Variants in CEP85L observed in about 807,000 individuals in gnomAD.
CEP85L encodes the protein centrosomal protein of 85 kDa-like.
In CEP85L, 60 loss-of-function variants were observed where a neutral mutation model predicts 100.3. The observed-to-expected ratio is 0.60, with a 90% CI of 0.49 to 0.74. The LOEUF (loss-of-function observed/expected upper bound fraction) is 0.74. Ranked by LOEUF, CEP85L falls within the 30% of genes least tolerant of loss-of-function variation. The pLI, the probability that CEP85L is intolerant of heterozygous loss-of-function variation, is 0.00. For missense variants in CEP85L, 973 were observed against 936.2 expected, an observed-to-expected ratio of 1.04 and a Z score of -0.51; for synonymous variants, 319 against 322.7, an observed-to-expected ratio of 0.99 and a Z score of 0.12.
intron 1 of CEP85L, among the ~76,000 whole-genome samples, chr6:118,702,824 G>A (rs1480186828): frequency 6.6e-6 from 1 of 151,936 alleles, no homozygotes; most frequent in Non-Finnish European, 1.5e-5. Flanking sequence ...GTGAAACCCC[G>A]TCACTACTAA....
chr6:118,599,199 TGG>T (rs1781600408), intron 2 of CEP85L, among the ~76,000 whole-genome samples: 1 of 152,034 alleles, frequency 6.6e-6, no homozygotes, highest in East Asian at 1.9e-4. Context: ...CAGAGCTCAT[TGG>T]TGAAATGATT....
At chr6:118,553,534 C>T (rs139156134) in intron 3 of CEP85L, among the ~76,000 whole-genome samples, 7 of 152,030 alleles carry the variant, frequency 4.6e-5, no homozygotes, top group Admixed American at 6.6e-5. Flanking sequence ...AACATTTTAG[C>T]GTGTAAAGCA....
At chr6:118,576,812 A>C (rs1358335767) in intron 2 of CEP85L, among the ~76,000 whole-genome samples, 1 of 152,216 alleles carries the variant, frequency 6.6e-6, no homozygotes, top group African/African-American at 2.4e-5. Context: ...TAAAAATTAA[A>C]GATCTAAAGC....
chr6:118,492,412 T>C (rs1774635479), intron 5 of CEP85L, among the ~76,000 whole-genome samples: 2 of 152,112 alleles, frequency 1.3e-5, no homozygotes. Flanking sequence ...ATATTCCCTA[T>C]TGCATAGAAA....
chr6:118,480,594 CTT>C (rs2114520987), intron 8 of CEP85L, 81 bp from the exon 9 acceptor site: 2 of 868,162 alleles, frequency 2.3e-6, no homozygotes, highest in East Asian at 5.0e-5. Flanking sequence ...ATGATTATTG[CTT>C]TATTAAAAAA....
intron 5 of CEP85L, among the ~76,000 whole-genome samples, chr6:118,504,395 C>A (rs1329690522): frequency 6.6e-6 from 1 of 151,526 alleles, no homozygotes; most frequent in East Asian, 1.9e-4. Flanking sequence ...AAAAAAAAAT[C>A]ATACCTACAT....
At chr6:118,602,968 C>A (rs956569937) in intron 2 of CEP85L, among the ~76,000 whole-genome samples, 1 of 152,000 alleles carries the variant, frequency 6.6e-6, no homozygotes, top group African/African-American at 2.4e-5. Flanking sequence ...TTACAGGTAC[C>A]AACCACCAAG....
chr6:118,528,867 T>C (rs1033736055), intron 3 of CEP85L, among the ~76,000 whole-genome samples: 1 of 152,186 alleles, frequency 6.6e-6, no homozygotes, highest in Non-Finnish European at 1.5e-5. Flanking sequence ...AAGGCAACTA[T>C]ACCTTTATGA....
intron 1 of CEP85L, among the ~76,000 whole-genome samples, chr6:118,672,832 G>A (rs1439355345): frequency 1.3e-5 from 2 of 151,862 alleles, no homozygotes; most frequent in Non-Finnish European, 2.9e-5. Context: ...GGAAGAGGAG[G>A]AGGAGGAAGA....
At chr6:118,475,926 G>C (rs1344480690) in intron 10 of CEP85L, among the ~76,000 whole-genome samples, 2 of 152,260 alleles carry the variant, frequency 1.3e-5, no homozygotes, top group South Asian at 2.1e-4. Flanking sequence ...GTTAGGGACT[G>C]CCTGAGGAAC....
At chr6:118,599,445 T>C (rs1290888146) in intron 2 of CEP85L, among the ~76,000 whole-genome samples, 3 of 151,968 alleles carry the variant, frequency 2.0e-5, no homozygotes, top group African/African-American at 7.2e-5. Flanking sequence ...AAATAAATGA[T>C]TGAATAAATA....
chr6:118,579,805 T>C (rs1780462358), intron 2 of CEP85L, among the ~76,000 whole-genome samples: 1 of 152,228 alleles, frequency 6.6e-6, no homozygotes, highest in Non-Finnish European at 1.5e-5. Flanking sequence ...TCCAGATACA[T>C]TTCTTGCATA....
chr6:118,706,827 C>A (rs920240642), intron 1 of CEP85L, among the ~76,000 whole-genome samples: 3 of 152,174 alleles, frequency 2.0e-5, no homozygotes, highest in Non-Finnish European at 4.4e-5. Flanking sequence ...TTCCACTTCT[C>A]GCTTAGCTAC....
At chr6:118,496,683 T>C (rs1034758614) in intron 5 of CEP85L, among the ~76,000 whole-genome samples, 1 of 152,208 alleles carries the variant, frequency 6.6e-6, no homozygotes, top group Non-Finnish European at 1.5e-5. Flanking sequence ...GGTAGATTAC[T>C]GGCCAGAGTT....
chr6:118,624,512 C>A (rs530126769), intron 2 of CEP85L, among the ~76,000 whole-genome samples: 1 of 152,140 alleles, frequency 6.6e-6, no homozygotes, highest in Non-Finnish European at 1.5e-5. Context: ...CCTCTTCATC[C>A]CTCCCCAACT....
chr6:118,670,575 T>G (rs1161996735), intron 1 of CEP85L, among the ~76,000 whole-genome samples: 1 of 151,380 alleles, frequency 6.6e-6, no homozygotes, highest in Non-Finnish European at 1.5e-5. Context: ...GCAGAGGCTT[T>G]AAAAGTGGCT....
chr6:118,552,658 T>C (rs1778618999), intron 3 of CEP85L, among the ~76,000 whole-genome samples: 1 of 151,950 alleles, frequency 6.6e-6, no homozygotes, highest in Admixed American at 6.6e-5. Context: ...ATCTTGAACT[T>C]GATTTTTTTT....
At chr6:118,603,665 C>G (rs1771968188) in intron 2 of CEP85L, among the ~76,000 whole-genome samples, 1 of 152,200 alleles carries the variant, frequency 6.6e-6, no homozygotes, top group African/African-American at 2.4e-5. Flanking sequence ...GTTAAAAAGA[C>G]TAGGCTTCTT....
chr6:118,492,442 A>G (rs965269442), intron 5 of CEP85L, among the ~76,000 whole-genome samples: 4 of 152,088 alleles, frequency 2.6e-5, no homozygotes, highest in Non-Finnish European at 4.4e-5. Flanking sequence ...CAAAATAAGT[A>G]CTCACAAAAT....
Sources: allele counts gnomAD v4.1 joint callset (sites outside exome capture counted in the v4.1 genomes callset), GRCh38; gene constraint gnomAD v4.1.1; transcripts MANE v1.5; gene names NCBI Gene and HGNC (gene_info 2026-07-23, HGNC 2026-07-21).